PSMD13: variants seen among roughly 807,000 people sequenced by gnomAD.
The protein encoded by PSMD13 is proteasome 26S subunit, non-ATPase 13.
A neutral mutation model predicts 57.4 loss-of-function variants in PSMD13; 8 were observed. That is an observed-to-expected ratio of 0.14 (90% CI 0.08 to 0.25). The LOEUF (loss-of-function observed/expected upper bound fraction) is 0.25, where lower values mean the gene tolerates loss of function less well. Ranked by LOEUF, PSMD13 falls within the 10% of genes least tolerant of loss-of-function variation. PSMD13 has a pLI of 1.00. For missense variants in PSMD13, 400 were observed against 461.5 expected, an observed-to-expected ratio of 0.87 and a Z score of 1.22; for synonymous variants, 193 against 168.2, an observed-to-expected ratio of 1.15 and a Z score of -1.14.
Position 247,304 on chromosome 11 carries a change from C to G in PSMD13, c.424C>G (p.Leu142Val). Residue 142 changes from leucine to valine, a missense_variant, in exon 7 of 13, where the codon CTC becomes GTC. Physicochemically the swap from Leu to Val is conservative, Grantham distance 32. Coordinates refer to ENST00000532097, the MANE Select transcript of PSMD13 (RefSeq NM_002817.4). ...AACAATTGAAGATGTTGAAGAAATG[C>G]TCAACAACCTTCCTGGTGTGACATC... is the stretch of plus-strand genomic sequence containing the variant. ...KETIEDVEEMLNNLPGVTSVH... is the reference protein window; with the variant it reads ...KETIEDVEEMVNNLPGVTSVH... 1 of 1,613,310 alleles carries G rather than the reference C, an allele frequency of 6.2e-7. No individual in the cohort carries two copies. Among genetic ancestry groups the G allele is most frequent in the Middle Eastern group, 1.7e-4 (1 of 6,060 alleles).
At chr11:250,643 T>G in intron 9 of PSMD13, 160 bp from the exon 10 acceptor site, 2 of 605,866 alleles carry the variant, frequency 3.3e-6, no homozygotes, top group Non-Finnish European at 6.0e-6. Context: ...TCAGATCACT[T>G]GTTGTTAATG....
intron 6 of PSMD13, among the ~76,000 whole-genome samples, chr11:245,702 TTG>T (rs1420773152): frequency 6.3e-5 from 2 of 31,638 alleles, no homozygotes; most frequent in Admixed American, 3.3e-4. Flanking sequence ...GTTCGTGTGT[TTG>T]TGTGTGTTTG....
intron 2 of PSMD13, 81 bp from the exon 3 acceptor site, chr11:243,960 T>G: frequency 7.1e-7 from 1 of 1,414,604 alleles, no homozygotes; most frequent in Non-Finnish European, 9.8e-7. Context: ...TGCAGCTTCT[T>G]TACCAAAGAT....
rs778748228 is a variant in PSMD13 at position 248,332 on chromosome 11, T to A, written c.569-444T>A. The A allele has an allele frequency of 7.4e-5, 13 of 174,786 alleles. 1 individual carries two copies. The East Asian group carries it at 1.9e-3, about 26-fold the overall frequency. The allele number at this position is 174,786 out of a possible 1,614,324, so 10.8% of individuals were successfully genotyped here. A position where few individuals can be genotyped will look rare whatever the true frequency, so the allele number is the denominator to read the frequency against. On this transcript the variant is annotated intron_variant, in intron 7 of 12. Coordinates refer to ENST00000532097, the MANE Select transcript of PSMD13 (RefSeq NM_002817.4). ...GCAACTCTTAACAGTGTTGATGCAG[T>A]TTTTATTACTGTATGTCAAGAAAAA...
rs1189728977 is a variant in PSMD13 at position 251,814 on chromosome 11, G to A, written c.919-6G>A. The A allele has an allele frequency of 6.2e-7, 1 of 1,613,482 alleles. No individual in the cohort carries two copies. Among genetic ancestry groups the A allele is most frequent in the African/African-American group, 1.3e-5 (1 of 75,020 alleles). ...TTGTCTTACACACGCCTCCCTCTCT[G>A]CACAGGTGGAGCTTCTGGTGATGAA... On this transcript the variant is annotated splice_polypyrimidine_tract_variant and splice_region_variant and intron_variant, in intron 11 of 12. Coordinates refer to ENST00000532097, the MANE Select transcript of PSMD13 (RefSeq NM_002817.4). This position sits in a 1 kb window ranked among gnomAD's most constrained non-coding sequence, Gnocchi z 4.6.
chr11:250,919 G>T, intron 10 of PSMD13, 54 bp downstream of exon 10: 1 of 1,506,552 alleles, frequency 6.6e-7, no homozygotes, highest in Non-Finnish European at 9.2e-7. Context: ...TTGGTCAGGT[G>T]GGGGCGCTGC....
intron 8 of PSMD13, 31 bp from the exon 9 acceptor site, chr11:248,901 T>G: frequency 6.2e-7 from 1 of 1,614,120 alleles, no homozygotes; most frequent in South Asian, 1.1e-5. Flanking sequence ...GAGACTAAAG[T>G]GTTACTAGCT....
chr11:245,877 A>G (rs1021365323), intron 6 of PSMD13, among the ~76,000 whole-genome samples: 3 of 152,162 alleles, frequency 2.0e-5, no homozygotes, highest in African/African-American at 7.2e-5. Flanking sequence ...TTTATTTTCA[A>G]ATATTTTAAG....
At position 252,841 on chromosome 11, in the gene PSMD13, C is replaced by T. The variant is rs3817635; in HGVS notation, c.*241C>T. On this transcript the variant is annotated 3_prime_UTR_variant, in exon 13 of 13. Coordinates refer to ENST00000532097, the MANE Select transcript of PSMD13 (RefSeq NM_002817.4). This position sits in a 1 kb window ranked among gnomAD's most constrained non-coding sequence, Gnocchi z 4.1. ...GGGGGTCTCAGGGTCTTAGGTGATA[C>T]GGGAGAGAAAGAACGTGCCAGGCAG... 7.5e-4 allele frequency: 354 copies of T among 469,462 alleles called. 3 individuals are homozygous for T. In the East Asian group the frequency reaches 0.012, roughly 16 times the overall value. The allele number at this position is 469,462 out of a possible 1,614,324, so 29.1% of individuals were successfully genotyped here. A position where few individuals can be genotyped will look rare whatever the true frequency, so the allele number is the denominator to read the frequency against.
Position 251,760 on chromosome 11 carries a change from C to T in PSMD13, c.919-60C>T. ...GCGGCATCTGCTTCTCACAAGCCAT[C>T]TGGGTCCATGGGGGTGTGTCAGGCT... On this transcript the variant is annotated intron_variant, in intron 11 of 12. Transcript: ENST00000532097. This position sits in a 1 kb window ranked among gnomAD's most constrained non-coding sequence, Gnocchi z 4.6. 1.9e-6 allele frequency: 3 copies of T among 1,564,050 alleles called. No individual in the cohort carries two copies. Among genetic ancestry groups the T allele is most frequent in the Non-Finnish European group, 2.6e-6 (3 of 1,137,394 alleles).
rs777802400 is a variant in PSMD13 at position 251,224 on chromosome 11, G to A, written c.838-322G>A. The A allele has an allele frequency of 1.4e-5, 6 of 437,396 alleles. No homozygotes were observed. The highest frequency in any genetic ancestry group is 4.3e-5 in the East Asian group (1 of 23,382). 27.1% of individuals were successfully genotyped at this position (437,396 alleles called of 1,614,324 possible). ...CTTTCCCCACTAGAACTTAAGCTTC[G>A]TCAGGAAGTGGCCCTTAGATTTCTG... On this transcript the variant is annotated intron_variant, in intron 10 of 12. Transcript: ENST00000532097. This position sits in a 1 kb window ranked among gnomAD's most constrained non-coding sequence, Gnocchi z 4.6.
intron 1 of PSMD13, 40 bp downstream of exon 1, chr11:237,184 A>T (rs1469648981): frequency 6.4e-7 from 1 of 1,564,916 alleles, no homozygotes; most frequent in Admixed American, 1.8e-5. Context: ...CCGGCGATAG[A>T]GGGAGACGGA....
At chr11:238,019 A>G (rs1029152699) in intron 1 of PSMD13, among the ~76,000 whole-genome samples, 4 of 152,256 alleles carry the variant, frequency 2.6e-5, no homozygotes, top group Non-Finnish European at 4.4e-5. Flanking sequence ...GAGCAAATTA[A>G]TGTTTGGCAA....
intron 2 of PSMD13, chr11:243,136 G>T: frequency 1.6e-6 from 1 of 613,714 alleles, no homozygotes. Flanking sequence ...CCCTCTCCTT[G>T]TTGAAGACTT....
chr11:251,186 C>T lies in PSMD13; in HGVS notation c.837+321C>T, dbSNP rs1203550445. 1 of 454,324 alleles carries T rather than the reference C, an allele frequency of 2.2e-6. No individual in the cohort carries two copies. The allele number at this position is 454,324 out of a possible 1,614,324, so 28.1% of individuals were successfully genotyped here. On this transcript the variant is annotated intron_variant, in intron 10 of 12. Coordinates refer to ENST00000532097, the MANE Select transcript of PSMD13 (RefSeq NM_002817.4). The surrounding 1 kb of genome is among the most constrained non-coding windows in gnomAD (Gnocchi z 4.6). ...CTCATTGCATGTCGCTTCTTGTGTACACGCACATCTGTCTTTCCCCACTAG... is the reference window on the plus strand; with the variant it reads ...CTCATTGCATGTCGCTTCTTGTGTATACGCACATCTGTCTTTCCCCACTAG...
chr11:245,453 C>T (rs1047750621), intron 6 of PSMD13, among the ~76,000 whole-genome samples: 6 of 152,222 alleles, frequency 3.9e-5, no homozygotes, highest in Non-Finnish European at 8.8e-5. Flanking sequence ...CAAGGTCAGC[C>T]TACACACCAC....
intron 9 of PSMD13, 77 bp downstream of exon 9, chr11:249,134 T>TG: frequency 6.3e-7 from 1 of 1,577,752 alleles, no homozygotes; most frequent in Non-Finnish European, 8.6e-7. Context: ...ATTGAGCGTC[T>TG]TCCCTAGGCA....
intron 2 of PSMD13, among the ~76,000 whole-genome samples, chr11:242,802 C>T (rs968940708): frequency 6.7e-6 from 1 of 148,558 alleles, no homozygotes; most frequent in East Asian, 2.0e-4. Flanking sequence ...TTCTTTTTCT[C>T]TTTTTTTTTT....
intron 6 of PSMD13, among the ~76,000 whole-genome samples, chr11:245,366 G>C (rs1184350739): frequency 2.6e-5 from 4 of 152,158 alleles, no homozygotes; most frequent in Admixed American, 2.6e-4. Flanking sequence ...GCACTCCCCT[G>C]TGTGACCACA....
Sources: allele counts gnomAD v4.1 joint callset (sites outside exome capture counted in the v4.1 genomes callset), GRCh38; gene constraint gnomAD v4.1.1; non-coding constraint Gnocchi (gnomAD v3.1); transcripts MANE v1.5; gene names NCBI Gene and HGNC (gene_info 2026-07-23, HGNC 2026-07-21).